The following LRRTM4 variants were observed in gnomAD, a reference collection of about 807,000 sequenced individuals.
The protein encoded by LRRTM4 is leucine-rich repeat transmembrane neuronal protein 4.
In LRRTM4, 25 loss-of-function variants were observed where a neutral mutation model predicts 47.6. The observed-to-expected ratio is 0.53, with a 90% CI of 0.38 to 0.73. The LOEUF is 0.73. LRRTM4 is among the 30% of genes least tolerant of loss of function. The pLI, the probability that LRRTM4 is intolerant of heterozygous loss-of-function variation, is 0.00. For synonymous variants in LRRTM4, 311 were observed against 269.5 expected (o/e 1.15, Z -1.51); for missense variants, 638 against 713.4 (o/e 0.89, Z 1.20).
At chr2:77,219,671 T>C (rs981571318) in intron 3 of LRRTM4, among the ~76,000 whole-genome samples, 3 of 152,152 alleles carry the variant, frequency 2.0e-5, no homozygotes, top group Non-Finnish European at 4.4e-5. Flanking sequence ...TGGAAAGAGA[T>C]GTTTGGCAGA....
chr2:77,116,486 C>G (rs968159847), intron 3 of LRRTM4, among the ~76,000 whole-genome samples: 1 of 152,006 alleles, frequency 6.6e-6, no homozygotes, highest in East Asian at 1.9e-4. Flanking sequence ...AAGGGTTAGT[C>G]ATAAAAGCTT....
At chr2:77,034,502 ATTT>A (rs1481049221) in intron 3 of LRRTM4, among the ~76,000 whole-genome samples, 1 of 151,644 alleles carries the variant, frequency 6.6e-6, no homozygotes, top group African/African-American at 2.4e-5. Flanking sequence ...CAATCTGCAG[ATTT>A]TCTCTCCGTC....
chr2:77,414,791 C>T (rs751925745), intron 3 of LRRTM4, among the ~76,000 whole-genome samples: 2 of 152,276 alleles, frequency 1.3e-5, no homozygotes, highest in South Asian at 2.1e-4. Flanking sequence ...CCTCCTGCCC[C>T]GCTCTATACC....
At chr2:77,075,638 G>A (rs919690577) in intron 3 of LRRTM4, among the ~76,000 whole-genome samples, 19 of 151,910 alleles carry the variant, frequency 1.3e-4, no homozygotes, top group East Asian at 3.9e-4. Context: ...AAATGGGGCC[G>A]GGCGCGGTGG....
At chr2:76,953,129 AC>A (rs1182767414) in intron 3 of LRRTM4, among the ~76,000 whole-genome samples, 2 of 151,416 alleles carry the variant, frequency 1.3e-5, no homozygotes, top group African/African-American at 4.9e-5. Context: ...CTTCATATGT[AC>A]CCACTGTATC....
chr2:77,363,428 CG>C (rs1474544389), intron 3 of LRRTM4, among the ~76,000 whole-genome samples: 1 of 152,194 alleles, frequency 6.6e-6, no homozygotes, highest in Non-Finnish European at 1.5e-5. Context: ...CAGACTCCAG[CG>C]TTGTCCCTAA....
intron 3 of LRRTM4, among the ~76,000 whole-genome samples, chr2:77,359,651 G>A (rs1417936211): frequency 6.6e-6 from 1 of 152,198 alleles, no homozygotes; most frequent in Non-Finnish European, 1.5e-5. Context: ...AGTAGGAAAA[G>A]CTGAGATTTT....
intron 3 of LRRTM4, among the ~76,000 whole-genome samples, chr2:77,004,095 G>A (rs889716194): frequency 1.3e-5 from 2 of 152,170 alleles, no homozygotes; most frequent in South Asian, 4.1e-4. Context: ...AGGAAGTAGA[G>A]CATAAAAGTT....
At chr2:77,516,572 C>T (rs1184593603) in intron 3 of LRRTM4, 27 of 971,296 alleles carry the variant, frequency 2.8e-5, no homozygotes, top group Admixed American at 6.2e-5. Context: ...ATAAGGAGAA[C>T]CCAGAATAAA....
intron 3 of LRRTM4, among the ~76,000 whole-genome samples, chr2:77,512,411 G>A (rs1679055097): frequency 6.6e-6 from 1 of 151,996 alleles, no homozygotes; most frequent in African/African-American, 2.4e-5. Context: ...TGAATATTGA[G>A]ATTTTATTAA....
chr2:77,110,889 C>G (rs536468376), intron 3 of LRRTM4, among the ~76,000 whole-genome samples: 1 of 152,020 alleles, frequency 6.6e-6, no homozygotes, highest in Non-Finnish European at 1.5e-5. Flanking sequence ...TTTTAAATTG[C>G]CTTCTGTACT....
chr2:77,000,348 A>C (rs1677373146), intron 3 of LRRTM4, among the ~76,000 whole-genome samples: 1 of 151,868 alleles, frequency 6.6e-6, no homozygotes. Context: ...GGTCTTCTCC[A>C]TTACAAAGAT....
intron 3 of LRRTM4, among the ~76,000 whole-genome samples, chr2:77,090,722 A>G (rs973285048): frequency 6.6e-6 from 1 of 152,044 alleles, no homozygotes; most frequent in African/African-American, 2.4e-5. Context: ...GTCATGTCCC[A>G]TTTGTGCCAG....
rs535982992 is a variant in LRRTM4, at chr2:77,276,331, A to G, written c.1551+241987T>C. 3.6e-5 allele frequency among the ~76,000 whole-genome samples: 5 copies of G among 140,410 alleles called. No individual in the cohort carries two copies. The South Asian group carries it at 1.3e-3, about 35-fold the overall frequency. The allele number at this position is 140,410 out of a possible 152,430, so 92.1% of individuals were successfully genotyped here. On this transcript the variant is annotated intron_variant, in intron 3 of 3. Transcript: ENST00000409884. Reference sequence around the variant, plus strand: ...ATGAAAGGAAGAGAAGAAGGAAGGAAGGAAGGAAGGAAGGAAAAAAGGAAG... The same window carrying G: ...ATGAAAGGAAGAGAAGAAGGAAGGAGGGAAGGAAGGAAGGAAAAAAGGAAG...
rs370840888 is a variant in LRRTM4, at chr2:77,521,694, C to T, written c.-23G>A. ...CATCCTTTGTCATCCAAAAACGTTT[C>T]CCCCCTCTCTCAGCTTTCTTCTTAT... is the stretch of plus-strand genomic sequence containing the variant. On this transcript the variant is annotated 5_prime_UTR_variant, in exon 2 of 4. Coordinates refer to ENST00000409884, the MANE Select transcript of LRRTM4 (RefSeq NM_001134745.3). The T allele has an allele frequency of 1.4e-4, 224 of 1,611,776 alleles. No individual in the cohort carries two copies. Among genetic ancestry groups the T allele is most frequent in the Non-Finnish European group, 1.8e-4 (214 of 1,178,836 alleles).
chr2:76,777,312 T>A (rs1674069834), intron 3 of LRRTM4, among the ~76,000 whole-genome samples: 1 of 143,494 alleles, frequency 7.0e-6, no homozygotes, highest in Non-Finnish European at 1.5e-5. Flanking sequence ...ATTGGTAGCT[T>A]GATGGGGATG....
chr2:76,761,446 T>A (rs1458359352), intron 3 of LRRTM4, among the ~76,000 whole-genome samples: 1 of 152,168 alleles, frequency 6.6e-6, no homozygotes, highest in Non-Finnish European at 1.5e-5. Flanking sequence ...TTAGGTGCAA[T>A]TCAGTTGGGT....
rs1156789321 is a variant in LRRTM4 at position 76,812,683 on chromosome 2, CTTTCTTTCTTTCT to C, written c.1552-63780_1552-63768del. On this transcript the variant is annotated intron_variant, in intron 3 of 3. Transcript: ENST00000409884. ...ACTGTTACAAATAAGCTCTTTCTTT[CTTTCTTTCTTTCT>C]TTTCTTTCTTTATTTCTTTTTCTTT... 2.3e-3 allele frequency among the ~76,000 whole-genome samples: 350 copies of C among 150,900 alleles called. 6 individuals are homozygous for C. The highest frequency in any genetic ancestry group is 8.2e-3 in the African/African-American group (338 of 41,084).
chr2:77,236,112 T>C (rs745428264), intron 3 of LRRTM4, among the ~76,000 whole-genome samples: 2 of 152,172 alleles, frequency 1.3e-5, no homozygotes, highest in Non-Finnish European at 2.9e-5. Context: ...CTTTGGGCAG[T>C]ATGGTCATTG....
Sources: gnomAD v4.1 joint callset for allele counts (sites outside exome capture counted in the v4.1 genomes callset) on GRCh38, gnomAD v4.1.1 for gene constraint, MANE v1.5 for transcripts, NCBI Gene and HGNC (gene_info 2026-07-23, HGNC 2026-07-21) for gene names.